The following GPC6 variants were observed in gnomAD, a reference collection of about 807,000 sequenced individuals.
The protein encoded by GPC6 is glypican 6, also known as glypican-6.
GPC6 carries 14 observed loss-of-function variants against 55.2 expected under a neutral mutation model. The ratio of observed to expected loss-of-function variants is 0.25; its 90% confidence interval spans 0.17 to 0.40. The LOEUF is 0.40. GPC6 is among the 10% of genes least tolerant of loss of function. The pLI is 1.00. For synonymous variants in GPC6, 278 were observed against 259.6 expected, an observed-to-expected ratio of 1.07 and a Z score of -0.68; for missense variants, 641 against 708.5, an observed-to-expected ratio of 0.90 and a Z score of 1.08.
At chr13:93,281,865 T>C (rs1028479104) in intron 1 of GPC6, among the ~76,000 whole-genome samples, 25 of 152,138 alleles carry the variant, frequency 1.6e-4, no homozygotes, top group African/African-American at 6.0e-4. Context: ...GCACCTATTC[T>C]GAAACCACTG....
At chr13:93,377,035 T>C (rs9524031) in intron 1 of GPC6, among the ~76,000 whole-genome samples, 57,886 of 152,114 alleles carry the variant, frequency 0.38, 12,279 homozygotes, top group Non-Finnish European at 0.5. Flanking sequence ...ATTAGTTTAA[T>C]TTTCCTTTCT....
At position 93,685,504 on chromosome 13, in the gene GPC6, A is replaced by G. The variant is rs530395118; in HGVS notation, c.319+140083A>G. ...TTGGCATTATGGAGCATGAAGTGCC[A>G]GAGAATGTATAAGCTTAACACCTGC... On this transcript the variant is annotated intron_variant, in intron 2 of 8. Transcript: ENST00000377047. Among the ~76,000 whole-genome samples the G allele has an allele frequency of 8.5e-5, 13 of 152,340 alleles. No individual in the cohort carries two copies. In the South Asian group the frequency reaches 2.7e-3, roughly 32 times the overall value.
At chr13:93,729,446 G>A (rs1883750489) in intron 2 of GPC6, among the ~76,000 whole-genome samples, 1 of 152,124 alleles carries the variant, frequency 6.6e-6, no homozygotes, top group Non-Finnish European at 1.5e-5. Context: ...AAAGGTACAA[G>A]GAGTCATTGG....
intron 2 of GPC6, among the ~76,000 whole-genome samples, chr13:93,678,938 T>C (rs563293833): frequency 1.3e-5 from 2 of 152,182 alleles, no homozygotes; most frequent in Non-Finnish European, 2.9e-5. Context: ...ATCTCTACAC[T>C]GTCTTTAACT....
intron 6 of GPC6, among the ~76,000 whole-genome samples, chr13:94,350,532 T>C (rs1354841475): frequency 1.3e-5 from 2 of 152,202 alleles, no homozygotes; most frequent in African/African-American, 4.8e-5. Context: ...GGTTGCCCAT[T>C]GTGGTACCCA....
intron 3 of GPC6, among the ~76,000 whole-genome samples, chr13:93,833,895 T>C (rs1380094042): frequency 6.6e-6 from 1 of 152,134 alleles, no homozygotes; most frequent in Admixed American, 6.5e-5. Flanking sequence ...GTCTGACTCT[T>C]AGAAGCACCA....
intron 1 of GPC6, among the ~76,000 whole-genome samples, chr13:93,418,297 C>A (rs970485023): frequency 8.6e-5 from 13 of 151,546 alleles, no homozygotes; most frequent in African/African-American, 3.1e-4. Flanking sequence ...CAATTATATA[C>A]TTTTAGTTAT....
intron 2 of GPC6, among the ~76,000 whole-genome samples, chr13:93,557,384 T>C (rs112573710): frequency 0.014 from 2,181 of 151,914 alleles, 52 homozygotes; most frequent in Middle Eastern, 0.061. Flanking sequence ...CTGTGTAATA[T>C]ATTATGATTG....
At chr13:93,242,074 GT>G in intron 1 of GPC6, among the ~76,000 whole-genome samples, 1 of 152,186 alleles carries the variant, frequency 6.6e-6, no homozygotes, top group African/African-American at 2.4e-5. Flanking sequence ...CTCTTGATGT[GT>G]ACTTTTTTCC....
intron 4 of GPC6, among the ~76,000 whole-genome samples, chr13:94,105,341 A>G (rs963350485): frequency 6.9e-5 from 7 of 101,826 alleles, no homozygotes; most frequent in African/African-American, 2.7e-4. Context: ...CCTGAACAAT[A>G]GAGCAAATAG....
chr13:94,171,298 C>G (rs558358565), intron 4 of GPC6, among the ~76,000 whole-genome samples: 5 of 152,152 alleles, frequency 3.3e-5, no homozygotes, highest in African/African-American at 1.2e-4. Context: ...ACACAGCCAG[C>G]GCAACATAGA....
intron 1 of GPC6, among the ~76,000 whole-genome samples, chr13:93,544,465 T>C (rs555119303): frequency 6.6e-6 from 1 of 152,342 alleles, no homozygotes; most frequent in Admixed American, 6.5e-5. Context: ...CTCCACAGGC[T>C]GTGAGAAAGA....
At chr13:94,259,592 T>C (rs968736638) in intron 4 of GPC6, among the ~76,000 whole-genome samples, 2 of 152,176 alleles carry the variant, frequency 1.3e-5, no homozygotes, top group African/African-American at 4.8e-5. Context: ...ACCACCCCTA[T>C]CCAATTCCAG....
rs568338821 is a variant in GPC6 at position 93,629,582 on chromosome 13, A to T, written c.319+84161A>T. Among the ~76,000 whole-genome samples the T allele has an allele frequency of 2.7e-4, 41 of 152,318 alleles. No homozygotes were observed. In the South Asian group the frequency reaches 8.1e-3, roughly 30 times the overall value. On this transcript the variant is annotated intron_variant, in intron 2 of 8. Coordinates refer to ENST00000377047, the MANE Select transcript of GPC6 (RefSeq NM_005708.5). ...AAAGATTAAAATAACTTAAAACATT[A>T]CATACTCTCTTAGACTTACAGCCAA...
At chr13:93,897,322 T>A (rs1372228030) in intron 3 of GPC6, among the ~76,000 whole-genome samples, 4 of 152,092 alleles carry the variant, frequency 2.6e-5, no homozygotes, top group Non-Finnish European at 5.9e-5. Flanking sequence ...GAGAGAATAA[T>A]TCAAATGTGT....
At chr13:94,304,015 T>TCAC (rs1421411359) in intron 5 of GPC6, among the ~76,000 whole-genome samples, 8 of 152,210 alleles carry the variant, frequency 5.3e-5, no homozygotes, top group Non-Finnish European at 1.0e-4. Context: ...AAGTCAGCTG[T>TCAC]CACTTTCAAA....
chr13:93,845,128 G>T (rs939316067), intron 3 of GPC6, among the ~76,000 whole-genome samples: 3 of 151,952 alleles, frequency 2.0e-5, no homozygotes, highest in East Asian at 1.9e-4. Flanking sequence ...GGCGATGCGG[G>T]CTCTTTTTTG....
chr13:93,669,435 G>C (rs540832067), intron 2 of GPC6, among the ~76,000 whole-genome samples: 81 of 152,196 alleles, frequency 5.3e-4, no homozygotes, highest in Admixed American at 2.6e-4. Context: ...AACCAAGAGA[G>C]AGAATACAGG....
chr13:93,607,479 T>A (rs1878282932), intron 2 of GPC6, among the ~76,000 whole-genome samples: 1 of 152,090 alleles, frequency 6.6e-6, no homozygotes, highest in African/African-American at 2.4e-5. Flanking sequence ...TTGCCCCACA[T>A]CCCTAAGCAG....
Sources: allele counts gnomAD v4.1 joint callset (sites outside exome capture counted in the v4.1 genomes callset), GRCh38; gene constraint gnomAD v4.1.1; transcripts MANE v1.5; gene names NCBI Gene and HGNC (gene_info 2026-07-23, HGNC 2026-07-21).